The following DNM3 variants were observed in gnomAD, a reference collection of about 807,000 sequenced individuals.
DNM3 encodes the protein dynamin-3.
In DNM3, 47 loss-of-function variants were observed where a neutral mutation model predicts 101.6. The observed-to-expected ratio is 0.46, with a 90% CI of 0.37 to 0.59. DNM3 has a LOEUF of 0.59. DNM3 is among the 20% of genes least tolerant of loss of function. DNM3 has a pLI of 0.00. For missense variants in DNM3, 849 were observed against 1,085.7 expected (o/e 0.78, Z 3.06); for synonymous variants, 385 against 387.9 (o/e 0.99, Z 0.09).
intron 1 of DNM3, among the ~76,000 whole-genome samples, chr1:171,916,978 C>T (rs888302090): frequency 5.9e-5 from 9 of 152,166 alleles, no homozygotes; most frequent in Admixed American, 1.3e-4. Flanking sequence ...TCTGGCAGCT[C>T]CTCCAAGCAG....
At chr1:171,905,702 C>T (rs1379486640) in intron 1 of DNM3, among the ~76,000 whole-genome samples, 1 of 152,086 alleles carries the variant, frequency 6.6e-6, no homozygotes, top group East Asian at 1.9e-4. Flanking sequence ...TAAAAGGAGA[C>T]AACTTCTCAA....
intron 4 of DNM3, among the ~76,000 whole-genome samples, chr1:172,031,998 A>G (rs572795499): frequency 8.9e-4 from 136 of 152,324 alleles, no homozygotes; most frequent in Non-Finnish European, 1.6e-3. Context: ...TCATTGGTCC[A>G]TGCATAACCT....
chr1:172,355,387 A>G (rs1267480853), intron 17 of DNM3, among the ~76,000 whole-genome samples: 1 of 152,212 alleles, frequency 6.6e-6, no homozygotes, highest in African/African-American at 2.4e-5. Flanking sequence ...GACAAGTCAT[A>G]TTTTTAAAAT....
intron 13 of DNM3, among the ~76,000 whole-genome samples, chr1:172,123,692 T>C (rs1361356722): frequency 1.3e-5 from 2 of 152,184 alleles, no homozygotes; most frequent in African/African-American, 2.4e-5. Flanking sequence ...TCCATCCAGA[T>C]CAATGTGAGA....
chr1:171,971,975 C>A (rs779876181), intron 2 of DNM3, among the ~76,000 whole-genome samples: 1 of 151,980 alleles, frequency 6.6e-6, no homozygotes, highest in Non-Finnish European at 1.5e-5. Flanking sequence ...TCATACTGAA[C>A]GAGGAAAAGA....
intron 13 of DNM3, among the ~76,000 whole-genome samples, chr1:172,125,783 A>G (rs2056587832): frequency 2.6e-5 from 4 of 152,180 alleles, no homozygotes; most frequent in Admixed American, 1.3e-4. Flanking sequence ...TACTAAGAAG[A>G]TGTAAGTGGC....
chr1:172,232,841 G>A (rs1013072777), intron 14 of DNM3, among the ~76,000 whole-genome samples: 5 of 152,176 alleles, frequency 3.3e-5, no homozygotes, highest in Admixed American at 1.3e-4. Flanking sequence ...TGAAACCAAC[G>A]AGGACAAAGG....
At chr1:171,845,486 A>C (rs1172050970) in intron 1 of DNM3, among the ~76,000 whole-genome samples, 1 of 152,220 alleles carries the variant, frequency 6.6e-6, no homozygotes, top group East Asian at 1.9e-4. Flanking sequence ...CCAGGAGGTC[A>C]AAGCTGTAAG....
chr1:172,398,720 C>T (rs1481573705), intron 20 of DNM3, among the ~76,000 whole-genome samples: 1 of 152,192 alleles, frequency 6.6e-6, no homozygotes, highest in Non-Finnish European at 1.5e-5. Flanking sequence ...TGAACAATTT[C>T]TCCAGGATGA....
At chr1:172,303,918 CA>C (rs1203645057) in intron 15 of DNM3, among the ~76,000 whole-genome samples, 1 of 151,994 alleles carries the variant, frequency 6.6e-6, no homozygotes, top group Non-Finnish European at 1.5e-5. Context: ...CCAGACATTG[CA>C]AAAACATGCC....
intron 13 of DNM3, among the ~76,000 whole-genome samples, chr1:172,120,256 A>G (rs578109215): frequency 9.1e-4 from 139 of 152,284 alleles, no homozygotes; most frequent in African/African-American, 3.2e-3. Flanking sequence ...AAGAGAGAGC[A>G]TGTGTAGGGG....
chr1:172,175,056 C>G (rs953866101), intron 14 of DNM3, among the ~76,000 whole-genome samples: 1 of 151,524 alleles, frequency 6.6e-6, no homozygotes, highest in African/African-American at 2.4e-5. Flanking sequence ...AAACAAGTAC[C>G]AGGGAATTTT....
At chr1:171,882,604 A>G (rs2036385358) in intron 1 of DNM3, among the ~76,000 whole-genome samples, 1 of 152,158 alleles carries the variant, frequency 6.6e-6, no homozygotes. Flanking sequence ...TATTATCCCA[A>G]TAATATTTTT....
intron 1 of DNM3, among the ~76,000 whole-genome samples, chr1:171,848,441 G>A (rs548134933): frequency 2.0e-5 from 3 of 152,234 alleles, no homozygotes; most frequent in Admixed American, 2.0e-4. Flanking sequence ...CCCAGGAAAA[G>A]ACTAAATAAG....
intron 15 of DNM3, among the ~76,000 whole-genome samples, chr1:172,305,178 C>A (rs536927572): frequency 1.1e-4 from 16 of 152,050 alleles, no homozygotes; most frequent in African/African-American, 3.9e-4. Flanking sequence ...CAAATAGATG[C>A]AATAAAAAAT....
chr1:171,880,531 A>G (rs563679005), intron 1 of DNM3, among the ~76,000 whole-genome samples: 8 of 152,352 alleles, frequency 5.3e-5, no homozygotes, highest in African/African-American at 1.9e-4. Flanking sequence ...TTAGTTGAAT[A>G]AATAATGAAT....
At chr1:172,312,084 C>T (rs1046844675) in intron 16 of DNM3, among the ~76,000 whole-genome samples, 1 of 152,194 alleles carries the variant, frequency 6.6e-6, no homozygotes, top group Admixed American at 6.5e-5. Context: ...ATTTTGTGAA[C>T]ACTCACTTAT....
rs2040183416 is a variant in DNM3, at chr1:171,921,692, T to G, written c.162-56T>G. On this transcript the variant is annotated intron_variant, in intron 1 of 20. Coordinates refer to ENST00000627582, the MANE Select transcript of DNM3 (RefSeq NM_015569.5). ...ATTGCTGTGGAACTTGGTTTATGAA[T>G]GTACAGGTGATAAGAATTCCTTCAT... 6 of 1,435,946 alleles carry G rather than the reference T, an allele frequency of 4.2e-6. No homozygotes were observed. The Admixed American group carries it at 1.2e-4, about 28-fold the overall frequency. The allele number at this position is 1,435,946 out of a possible 1,614,324, so 89.0% of individuals were successfully genotyped here.
chr1:172,170,669 T>C (rs1156517614), intron 14 of DNM3, among the ~76,000 whole-genome samples: 1 of 151,674 alleles, frequency 6.6e-6, no homozygotes, highest in East Asian at 1.9e-4. Context: ...ATCACAATGC[T>C]GTTTTTTTGT....
Sources: gnomAD v4.1 joint callset for allele counts (sites outside exome capture counted in the v4.1 genomes callset) on GRCh38, gnomAD v4.1.1 for gene constraint, MANE v1.5 for transcripts, NCBI Gene and HGNC (gene_info 2026-07-23, HGNC 2026-07-21) for gene names.